ROBO2: variants seen among roughly 807,000 people sequenced by gnomAD.
ROBO2 encodes roundabout homolog 2.
ROBO2 carries 53 observed loss-of-function variants against 160.8 expected under a neutral mutation model. The observed-to-expected ratio is 0.33, with a 90% CI of 0.26 to 0.41. The LOEUF (loss-of-function observed/expected upper bound fraction) is 0.41, where lower values mean the gene tolerates loss of function less well. ROBO2 is among the 10% of genes least tolerant of loss of function. The pLI is 1.00. For missense variants in ROBO2, 1,577 were observed against 1,722.4 expected (o/e 0.92, Z 1.49); for synonymous variants, 664 against 611.7 (o/e 1.09, Z -1.26).
At chr3:76,920,979 A>C (rs533638414) in intron 2 of ROBO2, among the ~76,000 whole-genome samples, 70 of 152,302 alleles carry the variant, frequency 4.6e-4, no homozygotes, top group African/African-American at 1.6e-3. Flanking sequence ...AAACTATAAA[A>C]TCTATATGTT....
chr3:77,291,332 C>T (rs1332451283), intron 2 of ROBO2, among the ~76,000 whole-genome samples: 2 of 151,574 alleles, frequency 1.3e-5, no homozygotes, highest in Non-Finnish European at 2.9e-5. Flanking sequence ...GGCTAGATCA[C>T]CCCAGACGTA....
chr3:77,071,239 T>G (rs1470073360), intron 1 of ROBO2, among the ~76,000 whole-genome samples: 2 of 152,180 alleles, frequency 1.3e-5, no homozygotes, highest in African/African-American at 2.4e-5. Flanking sequence ...AAAGTAGGGC[T>G]ATTCTTCTTC....
intron 2 of ROBO2, among the ~76,000 whole-genome samples, chr3:76,949,834 G>A (rs1168380484): frequency 1.3e-5 from 2 of 152,180 alleles, no homozygotes; most frequent in Non-Finnish European, 2.9e-5. Flanking sequence ...CACAGACCCA[G>A]GAGTTCAAGT....
chr3:76,453,467 G>C (rs561143656), intron 2 of ROBO2, among the ~76,000 whole-genome samples: 1 of 152,208 alleles, frequency 6.6e-6, no homozygotes, highest in Admixed American at 6.5e-5. Flanking sequence ...TCTCAGGTTT[G>C]TCAAAGATCA....
chr3:76,848,273 G>T (rs2148515719), intron 2 of ROBO2, among the ~76,000 whole-genome samples: 1 of 152,202 alleles, frequency 6.6e-6, no homozygotes, highest in African/African-American at 2.4e-5. Context: ...TCATAGCCTT[G>T]GCTATTCAGT....
intron 2 of ROBO2, among the ~76,000 whole-genome samples, chr3:76,040,081 T>C (rs774700702): frequency 2.6e-5 from 4 of 152,036 alleles, no homozygotes; most frequent in Non-Finnish European, 5.9e-5. Flanking sequence ...TAACATTTGC[T>C]ATTCAATTTA....
intron 2 of ROBO2, among the ~76,000 whole-genome samples, chr3:76,274,714 T>C (rs1186645662): frequency 6.6e-6 from 1 of 151,818 alleles, no homozygotes. Flanking sequence ...GGCACGCACC[T>C]GTAGTCCCAG....
chr3:77,557,757 T>C (rs991157265), intron 8 of ROBO2, among the ~76,000 whole-genome samples, 187 bp from the exon 10 acceptor site: 5 of 151,980 alleles, frequency 3.3e-5, no homozygotes, highest in Non-Finnish European at 5.9e-5. Flanking sequence ...TATATGTATG[T>C]ACATATATAG....
chr3:77,121,995 C>T (rs1042914229), intron 2 of ROBO2, among the ~76,000 whole-genome samples: 5 of 151,988 alleles, frequency 3.3e-5, no homozygotes, highest in Non-Finnish European at 7.4e-5. Flanking sequence ...AACAGCTAGC[C>T]AGAGGGGATT....
intron 2 of ROBO2, among the ~76,000 whole-genome samples, chr3:76,887,798 A>T (rs1241996515): frequency 2.0e-5 from 3 of 152,100 alleles, no homozygotes; most frequent in African/African-American, 7.2e-5. Flanking sequence ...TCTCAGGTCA[A>T]GTGTCTTCTT....
chr3:76,953,216 G>A lies in ROBO2; in HGVS notation c.110-144798G>A, dbSNP rs564174709. Among the ~76,000 whole-genome samples, 681 of 152,174 alleles carry A rather than the reference G, an allele frequency of 4.5e-3. 2 individuals are homozygous for A. Among genetic ancestry groups the A allele is most frequent in the Non-Finnish European group, 6.8e-3 (465 of 68,020 alleles). ...GTGAACACCACCCATCTTGAAGGTC[G>A]CACACACAAAGAAAACTTTTGGTAA... On this transcript the variant is annotated intron_variant, in intron 2 of 26. Transcript: ENST00000487694.
chr3:76,924,279 G>C (rs1006179273), intron 2 of ROBO2, among the ~76,000 whole-genome samples: 2 of 152,130 alleles, frequency 1.3e-5, no homozygotes, highest in Admixed American at 6.6e-5. Flanking sequence ...TTGGGAGGCT[G>C]GGCCTCTGGA....
chr3:77,275,776 C>T (rs1214559385), intron 2 of ROBO2, among the ~76,000 whole-genome samples: 1 of 152,036 alleles, frequency 6.6e-6, no homozygotes, highest in African/African-American at 2.4e-5. Context: ...TCTCCAGGAC[C>T]ACAGTTTGGT....
intron 2 of ROBO2, among the ~76,000 whole-genome samples, chr3:76,206,249 T>C: frequency 7.2e-6 from 1 of 139,162 alleles, no homozygotes; most frequent in Non-Finnish European, 1.5e-5. Context: ...TACATTACTG[T>C]CTGAGAGCTG....
At chr3:76,090,496 C>T (rs1196784374) in intron 2 of ROBO2, among the ~76,000 whole-genome samples, 1 of 152,044 alleles carries the variant, frequency 6.6e-6, no homozygotes, top group Non-Finnish European at 1.5e-5. Flanking sequence ...ATAAAAACCT[C>T]AAGGTAGTCA....
chr3:77,264,168 G>C (rs1293338734), intron 2 of ROBO2, among the ~76,000 whole-genome samples: 1 of 151,772 alleles, frequency 6.6e-6, no homozygotes, highest in Non-Finnish European at 1.5e-5. Flanking sequence ...TTTAACAAAT[G>C]GAAAAAACAG....
intron 2 of ROBO2, among the ~76,000 whole-genome samples, chr3:77,102,865 A>C (rs1226972914): frequency 6.6e-6 from 1 of 151,950 alleles, no homozygotes; most frequent in East Asian, 1.9e-4. Flanking sequence ...AAAAAAAAAA[A>C]AATAGCTATC....
chr3:77,080,742 A>T (rs1470477228), intron 1 of ROBO2, among the ~76,000 whole-genome samples: 1 of 152,142 alleles, frequency 6.6e-6, no homozygotes, highest in East Asian at 1.9e-4. Flanking sequence ...CCTTTTCCTG[A>T]TGCATACAAC....
chr3:76,749,226 T>G (rs1169855747), intron 2 of ROBO2, among the ~76,000 whole-genome samples: 1 of 151,898 alleles, frequency 6.6e-6, no homozygotes, highest in Non-Finnish European at 1.5e-5. Flanking sequence ...AAAATTATGA[T>G]GCATTATTTT....
Sources: gnomAD v4.1 joint callset for allele counts (sites outside exome capture counted in the v4.1 genomes callset) on GRCh38, gnomAD v4.1.1 for gene constraint, MANE v1.5 for transcripts, NCBI Gene and HGNC (gene_info 2026-07-23, HGNC 2026-07-21) for gene names.